LPIN2: variants seen among roughly 807,000 people sequenced by gnomAD.
LPIN2 encodes the protein phosphatidate phosphatase LPIN2.
In LPIN2, 55 loss-of-function variants were observed where a neutral mutation model predicts 111.4. The observed-to-expected ratio is 0.49, with a 90% confidence interval of 0.40 to 0.62. The LOEUF is 0.62. Among genes scored for constraint, LPIN2 ranks in the 20% least tolerant of loss-of-function variants. The probability of loss-of-function intolerance (pLI) is 0.00; values close to 1 mark genes in which losing one functional copy is unlikely to be tolerated. For missense variants in LPIN2, 992 were observed against 1,112.1 expected (o/e 0.89, Z 1.54); for synonymous variants, 425 against 414.0 (o/e 1.03, Z -0.32).
intron 16 of LPIN2, among the ~76,000 whole-genome samples, chr18:2,923,047 C>T (rs561419583): frequency 5.3e-4 from 80 of 152,292 alleles, no homozygotes; most frequent in African/African-American, 1.9e-3. Flanking sequence ...GCTATCTTCC[C>T]CTCAAAGGGT....
intron 5 of LPIN2, among the ~76,000 whole-genome samples, chr18:2,940,245 C>T (rs895983196): frequency 1.3e-5 from 2 of 152,128 alleles, no homozygotes; most frequent in Non-Finnish European, 2.9e-5. Flanking sequence ...GAGGATCACT[C>T]GAGCCCAGGG....
At chr18:2,928,196 ACC>A (rs1455580649) in intron 11 of LPIN2, among the ~76,000 whole-genome samples, 1 of 152,222 alleles carries the variant, frequency 6.6e-6, no homozygotes, top group African/African-American at 2.4e-5. Flanking sequence ...TATGTTAGCC[ACC>A]ATCTGCCCTA....
At chr18:3,002,574 A>G (rs2078450219) in intron 1 of LPIN2, among the ~76,000 whole-genome samples, 2 of 152,170 alleles carry the variant, frequency 1.3e-5, no homozygotes. Context: ...ATGATGGAAA[A>G]ATCTTAAGGA....
rs2077065192 is a variant in LPIN2 at position 2,922,178 on chromosome 18, G to A, written c.2196C>T (p.Tyr732=). 7 of 1,614,000 alleles carry A rather than the reference G, an allele frequency of 4.3e-6. No individual in the cohort carries two copies. The highest frequency in any genetic ancestry group is 5.9e-6 in the Non-Finnish European group (7 of 1,179,952). The stretch of plus-strand genomic sequence containing the variant: ...CCATGCCGATGGCACGAGCCGAGCA[G>A]TACAGAAACTTGTAGCCATTCCTGA... ...SINENGYKFL[Y]CSARAIGMAD... The change falls in exon 17 of 20, where the codon TAC becomes TAT. Residue 732 remains tyrosine, a synonymous_variant. Coordinates refer to ENST00000677752, the MANE Select transcript of LPIN2 (RefSeq NM_001375808.2).
At chr18:2,966,919 GGAA>G (rs2077813425) in intron 1 of LPIN2, 3 of 152,090 alleles carry the variant, frequency 2.0e-5, no homozygotes, top group Non-Finnish European at 4.4e-5. Flanking sequence ...ATGCTAGGAG[GGAA>G]GAGAGACACC....
chr18:2,973,189 T>C (rs1235936956), intron 1 of LPIN2, among the ~76,000 whole-genome samples: 1 of 152,062 alleles, frequency 6.6e-6, no homozygotes, highest in East Asian at 1.9e-4. Flanking sequence ...AAATAGATTT[T>C]TCTTAAAACA....
intron 1 of LPIN2, among the ~76,000 whole-genome samples, chr18:2,996,356 A>T (rs936230399): frequency 1.3e-5 from 2 of 151,468 alleles, no homozygotes; most frequent in Non-Finnish European, 2.9e-5. Flanking sequence ...AAAGTGTTAC[A>T]TTGGTTCTTT....
chr18:2,956,026 G>A (rs1156770895), intron 2 of LPIN2, among the ~76,000 whole-genome samples: 2 of 152,200 alleles, frequency 1.3e-5, no homozygotes, highest in African/African-American at 4.8e-5. Flanking sequence ...CTTGGAAACA[G>A]TATTTTGACT....
chr18:3,008,580 C>T (rs368022348), intron 1 of LPIN2, among the ~76,000 whole-genome samples: 9 of 152,320 alleles, frequency 5.9e-5, no homozygotes, highest in African/African-American at 2.2e-4. Context: ...AGTAAAATTA[C>T]CAGTTCCAAC....
chr18:2,941,529 T>C (rs2077366800), intron 4 of LPIN2, among the ~76,000 whole-genome samples: 2 of 152,222 alleles, frequency 1.3e-5, no homozygotes, highest in Non-Finnish European at 2.9e-5. Context: ...CCCGTTTTCA[T>C]CTTTACTTGG....
At chr18:2,997,790 C>T (rs2078368436) in intron 1 of LPIN2, among the ~76,000 whole-genome samples, 1 of 152,218 alleles carries the variant, frequency 6.6e-6, no homozygotes, top group African/African-American at 2.4e-5. Flanking sequence ...CCCCATGCCA[C>T]AGACTTAGTT....
intron 11 of LPIN2, among the ~76,000 whole-genome samples, 170 bp from the exon 12 acceptor site, chr18:2,927,981 C>A (rs375197814): frequency 5.9e-5 from 9 of 152,222 alleles, no homozygotes; most frequent in Non-Finnish European, 1.2e-4. Flanking sequence ...GAGAGACAGA[C>A]CCCGTCCTGC....
chr18:2,918,997 T>G lies in LPIN2; in HGVS notation c.*1296A>C, dbSNP rs2077009364. 6.6e-6 allele frequency: 1 copy of G among 152,140 alleles called. No homozygotes were observed. The highest frequency in any genetic ancestry group is 1.5e-5 in the Non-Finnish European group (1 of 68,034). The allele number at this position is 152,140 out of a possible 1,614,324, so 9.4% of individuals were successfully genotyped here. On this transcript the variant is annotated 3_prime_UTR_variant, in exon 20 of 20. Transcript: ENST00000677752. ...GTTGGTTCTGGGCTCCTGACAGTTC[T>G]CTTGATGTTAAGAGTGCAGCTCTGT... is the stretch of plus-strand genomic sequence containing the variant.
At chr18:2,920,979 C>T (rs1297657454) in intron 18 of LPIN2, 98 bp from the exon 19 acceptor site, 3 of 838,368 alleles carry the variant, frequency 3.6e-6, no homozygotes, top group South Asian at 2.7e-5. Context: ...CAGACAGACT[C>T]GACAGAAAAC....
At chr18:2,927,117 T>G (rs1178070916) in intron 12 of LPIN2, among the ~76,000 whole-genome samples, 1 of 152,044 alleles carries the variant, frequency 6.6e-6, no homozygotes, top group East Asian at 1.9e-4. Context: ...CTCCTGGGAG[T>G]AACTCACCAC....
chr18:2,990,777 CCTGA>C (rs1296954973), intron 1 of LPIN2: 4 of 374,114 alleles, frequency 1.1e-5, no homozygotes, highest in East Asian at 1.2e-4. Context: ...AGGCTCAGAG[CCTGA>C]CTGACAAAAT....
chr18:2,941,789 G>T (rs2077369922), intron 4 of LPIN2, among the ~76,000 whole-genome samples: 1 of 152,304 alleles, frequency 6.6e-6, no homozygotes, highest in East Asian at 1.9e-4. Context: ...GCCGGGTGTG[G>T]TGGCGGGCAC....
At chr18:2,931,788 T>C (rs2144164576) in intron 8 of LPIN2, among the ~76,000 whole-genome samples, 1 of 152,344 alleles carries the variant, frequency 6.6e-6, no homozygotes, top group South Asian at 2.1e-4. Context: ...ATTTCCATGA[T>C]GAAAATGACA....
chr18:2,981,860 G>T (rs1777050026), intron 1 of LPIN2, among the ~76,000 whole-genome samples: 2 of 152,162 alleles, frequency 1.3e-5, no homozygotes, highest in Non-Finnish European at 2.9e-5. Flanking sequence ...ATGAGCCACA[G>T]ATTTTAGAAA....
Sources: allele counts gnomAD v4.1 joint callset (sites outside exome capture counted in the v4.1 genomes callset), GRCh38; gene constraint gnomAD v4.1.1; transcripts MANE v1.5; gene names NCBI Gene and HGNC (gene_info 2026-07-23, HGNC 2026-07-21).